Variants in NCOA2 observed in about 807,000 individuals in gnomAD.
NCOA2 encodes class E basic helix-loop-helix protein 75.
NCOA2 carries 21 observed loss-of-function variants against 145.1 expected under a neutral mutation model. The observed-to-expected ratio is 0.14, with a 90% CI of 0.10 to 0.21. NCOA2 has a LOEUF of 0.21. NCOA2 is among the 10% of genes least tolerant of loss of function. The pLI, the probability that NCOA2 is intolerant of heterozygous loss-of-function variation, is 1.00. For synonymous variants in NCOA2, 619 were observed against 637.5 expected (o/e 0.97, Z 0.44); for missense variants, 1,472 against 1,837.6 (o/e 0.80, Z 3.64).
intron 1 of NCOA2, among the ~76,000 whole-genome samples, chr8:70,397,298 C>G (rs191899567): frequency 6.6e-6 from 1 of 151,790 alleles, no homozygotes; most frequent in Admixed American, 6.6e-5. Flanking sequence ...CCAAAAAATA[C>G]AAAAATTATC....
At chr8:70,402,818 C>T (rs1411178474) in intron 1 of NCOA2, among the ~76,000 whole-genome samples, 1 of 150,980 alleles carries the variant, frequency 6.6e-6, no homozygotes, top group Non-Finnish European at 1.5e-5. Flanking sequence ...CATACACGCC[C>T]GCACCCAGAA....
At position 70,118,850 on chromosome 8, in the gene NCOA2, G is replaced by A. The variant is rs185571827; in HGVS notation, c.4383+2452C>T. ...ACTACAGGCGTGTGCTTCTACACTC[G>A]GCTAATTTTGTATTTTTAGTAGAGG... On this transcript the variant is annotated intron_variant, in intron 22 of 22. Transcript: ENST00000452400. 1.7e-3 allele frequency among the ~76,000 whole-genome samples: 254 copies of A among 151,946 alleles called. 2 individuals carry two copies. The highest frequency in any genetic ancestry group is 3.4e-3 in the Middle Eastern group (1 of 294).
At position 70,140,062 on chromosome 8, in the gene NCOA2, G is replaced by A. The variant is rs572841031; in HGVS notation, c.3028+1122C>T. ...TGATAAAGGAAATAATCTCAAGTAT[G>A]AGTTGTACAGACCATTAATTTTTAA... On this transcript the variant is annotated intron_variant, in intron 14 of 22. Coordinates refer to ENST00000452400, the MANE Select transcript of NCOA2 (RefSeq NM_006540.4). Among the ~76,000 whole-genome samples the A allele has an allele frequency of 8.3e-4, 127 of 152,304 alleles. 1 individual carries two copies. Among genetic ancestry groups the A allele is most frequent in the African/African-American group, 3.0e-3 (123 of 41,564 alleles).
chr8:70,406,106 G>A (rs774284698), upstream of NCOA2, among the ~76,000 whole-genome samples: 2 of 152,192 alleles, frequency 1.3e-5, no homozygotes, highest in African/African-American at 4.8e-5. Flanking sequence ...AAGTGCAACA[G>A]AGCCCAAGAC....
At chr8:70,241,859 G>A (rs868151484) in intron 2 of NCOA2, among the ~76,000 whole-genome samples, 9 of 152,116 alleles carry the variant, frequency 5.9e-5, no homozygotes, top group Middle Eastern at 3.4e-3. Context: ...TAAAACTACC[G>A]TTAATTGTTT....
the NCOA2 span, among the ~76,000 whole-genome samples, chr8:70,422,868 G>C: frequency 2.0e-5 from 3 of 151,626 alleles, no homozygotes; most frequent in South Asian, 6.3e-4. Flanking sequence ...TTAAAATGTT[G>C]TTACGTTTTC....
At chr8:70,138,423 A>G in intron 14 of NCOA2, 91 bp from the exon 15 acceptor site, 1 of 1,253,618 alleles carries the variant, frequency 8.0e-7, no homozygotes, top group Non-Finnish European at 1.1e-6. Flanking sequence ...CTGGTTTATG[A>G]AAAAGGGAAA....
chr8:70,208,315 A>G (rs1459754168), intron 4 of NCOA2, among the ~76,000 whole-genome samples: 1 of 152,130 alleles, frequency 6.6e-6, no homozygotes, highest in Non-Finnish European at 1.5e-5. Flanking sequence ...GCAGAAGAAA[A>G]GTTTAAAGCT....
chr8:70,113,567 C>T lies in NCOA2; in HGVS notation c.*65G>A. 2 of 1,531,708 alleles carry T rather than the reference C, an allele frequency of 1.3e-6. No homozygotes were observed. Among genetic ancestry groups the T allele is most frequent in the South Asian group, 2.4e-5 (2 of 83,634 alleles). The allele number at this position is 1,531,708 out of a possible 1,614,324, so 94.9% of individuals were successfully genotyped here. ...GGTTGAAACAAATAGACACAGCTCT[C>T]CAGACTGGAAGTGTTTTGAGCAAGT... is the stretch of plus-strand genomic sequence containing the variant. On this transcript the variant is annotated 3_prime_UTR_variant, in exon 23 of 23. Transcript: ENST00000452400.
the NCOA2 span, among the ~76,000 whole-genome samples, chr8:70,435,219 A>G: frequency 6.6e-6 from 1 of 151,240 alleles, no homozygotes; most frequent in Non-Finnish European, 1.5e-5. Flanking sequence ...AGGTCAGGAG[A>G]TCGAGACCAT....
At chr8:70,140,381 C>T (rs1175409323) in intron 14 of NCOA2, among the ~76,000 whole-genome samples, 1 of 151,988 alleles carries the variant, frequency 6.6e-6, no homozygotes, top group Admixed American at 6.6e-5. Context: ...TGTATCAGAC[C>T]ATCAATTTTA....
intron 2 of NCOA2, among the ~76,000 whole-genome samples, chr8:70,234,148 C>T (rs1016310008): frequency 6.6e-6 from 1 of 152,188 alleles, no homozygotes; most frequent in African/African-American, 2.4e-5. Flanking sequence ...TTTCAATTAG[C>T]ATAATGTTTT....
intron 7 of NCOA2, among the ~76,000 whole-genome samples, chr8:70,165,822 T>C (rs1474701041): frequency 6.6e-6 from 1 of 152,198 alleles, no homozygotes; most frequent in Non-Finnish European, 1.5e-5. Flanking sequence ...GTGTGCATTT[T>C]TCTTTTTTCT....
At chr8:70,196,737 C>T (rs1251277332) in intron 4 of NCOA2, among the ~76,000 whole-genome samples, 1 of 152,156 alleles carries the variant, frequency 6.6e-6, no homozygotes, top group Non-Finnish European at 1.5e-5. Flanking sequence ...GAATGTGTTG[C>T]TTTTGGAATT....
At chr8:70,442,138 A>AGAAAGAAAGAAAGAAAGAAG in the NCOA2 span, among the ~76,000 whole-genome samples, 21 of 124,276 alleles carry the variant, frequency 1.7e-4, no homozygotes, top group African/African-American at 7.9e-4. Context: ...AAAGAAAGAA[A>AGAAAGAAAGAAAGAAAGAAG]GAAAGAAAGA....
intron 2 of NCOA2, among the ~76,000 whole-genome samples, chr8:70,224,832 CA>C (rs1174342479): frequency 1.3e-5 from 2 of 151,692 alleles, no homozygotes; most frequent in Non-Finnish European, 2.9e-5. Flanking sequence ...GTACAACTGG[CA>C]AAAACTGTCC....
chr8:70,382,760 G>A (rs184379231), intron 1 of NCOA2, among the ~76,000 whole-genome samples: 32 of 152,300 alleles, frequency 2.1e-4, no homozygotes, highest in Admixed American at 1.4e-3. Flanking sequence ...CGTTCCAGAA[G>A]GGTTAATACA....
intron 6 of NCOA2, among the ~76,000 whole-genome samples, chr8:70,168,837 T>C (rs1217620654): frequency 6.6e-6 from 1 of 152,238 alleles, no homozygotes; most frequent in East Asian, 1.9e-4. Context: ...TGAAGAGATC[T>C]GAAAATATTA....
the NCOA2 span, among the ~76,000 whole-genome samples, chr8:70,453,168 A>G: frequency 6.6e-6 from 1 of 152,302 alleles, no homozygotes; most frequent in African/African-American, 2.4e-5. Flanking sequence ...GGAGCTTGAG[A>G]ATTTAAATGC....
Sources: allele counts gnomAD v4.1 joint callset (sites outside exome capture counted in the v4.1 genomes callset), GRCh38; gene constraint gnomAD v4.1.1; transcripts MANE v1.5; gene names NCBI Gene and HGNC (gene_info 2026-07-23, HGNC 2026-07-21).